Variants in COP1 observed in about 807,000 individuals in gnomAD.
COP1 encodes E3 ubiquitin-protein ligase COP1.
COP1 carries 24 observed loss-of-function variants against 101.3 expected under a neutral mutation model. The ratio of observed to expected loss-of-function variants is 0.24; its 90% CI spans 0.17 to 0.33. The LOEUF is 0.33. Ranked by LOEUF, COP1 falls within the 10% of genes least tolerant of loss-of-function variation. The pLI is 1.00. For missense variants in COP1, 663 were observed against 906.2 expected (o/e 0.73, Z 3.45); for synonymous variants, 347 against 341.9 (o/e 1.01, Z -0.17).
intron 8 of COP1, among the ~76,000 whole-genome samples, chr1:176,127,939 T>A (rs1374536401): frequency 6.6e-6 from 1 of 152,074 alleles, no homozygotes; most frequent in Non-Finnish European, 1.5e-5. Context: ...ATCTAAGAAA[T>A]GTGAGGTGAT....
intron 18 of COP1, among the ~76,000 whole-genome samples, chr1:175,957,647 C>T (rs998138688): frequency 6.6e-6 from 1 of 152,198 alleles, no homozygotes; most frequent in Non-Finnish European, 1.5e-5. Context: ...GCTAAACTTA[C>T]AACTACTCTA....
intron 11 of COP1, among the ~76,000 whole-genome samples, chr1:176,057,070 G>A (rs1673643084): frequency 6.6e-6 from 1 of 152,120 alleles, no homozygotes; most frequent in African/African-American, 2.4e-5. Context: ...GCATAGAAAT[G>A]AAATCCATTT....
chr1:176,133,088 T>C (rs1432637110), intron 8 of COP1, among the ~76,000 whole-genome samples: 1 of 144,790 alleles, frequency 6.9e-6, no homozygotes, highest in Non-Finnish European at 1.5e-5. Flanking sequence ...ATACTATATA[T>C]ACACACATAT....
rs147697901 is a variant in COP1 at position 176,009,375 on chromosome 1, A to G, written c.1729+18197T>C. 1.5e-3 allele frequency among the ~76,000 whole-genome samples: 235 copies of G among 152,370 alleles called. 3 individuals carry two copies. The highest frequency in any genetic ancestry group is 5.4e-3 in the African/African-American group (226 of 41,584). On this transcript the variant is annotated intron_variant, in intron 15 of 19. Transcript: ENST00000367669. ...TCTCAAGTTATTTCATAAGATGAGA[A>G]TAATTTGGTATTATAAAAATAACAT... is the stretch of plus-strand genomic sequence containing the variant.
In COP1 at chr1:176,027,677, AC is replaced by A; in HGVS notation, c.1623del (p.Trp541CysfsTer5). On this transcript the variant is annotated frameshift_variant, in exon 15 of 20. Coordinates refer to ENST00000367669, the MANE Select transcript of COP1 (RefSeq NM_022457.7). LOFTEE classifies it high-confidence loss of function. The part of the protein sequence containing the change: ...SGSDDAKVKL[W>X]STNLDNSVAS... ...GCCACTGAGTTGTCTAGATTGGTAG[AC>A]CACAGCTTCACTAAGGGCAAAGGAC... is the stretch of plus-strand genomic sequence containing the variant. 6.2e-7 allele frequency: 1 copy of A among 1,604,298 alleles called. No individual in the cohort carries two copies. Among genetic ancestry groups the A allele is most frequent in the Non-Finnish European group, 8.5e-7 (1 of 1,171,196 alleles).
At chr1:175,980,933 T>A (rs183145768) in intron 18 of COP1, among the ~76,000 whole-genome samples, 126 of 152,248 alleles carry the variant, frequency 8.3e-4, no homozygotes, top group Non-Finnish European at 1.2e-3. Context: ...TACACAGGCA[T>A]CATCACATAG....
intron 14 of COP1, among the ~76,000 whole-genome samples, chr1:176,038,408 T>C (rs1244661969): frequency 6.6e-6 from 1 of 152,130 alleles, no homozygotes; most frequent in African/African-American, 2.4e-5. Flanking sequence ...AAAATGTATA[T>C]GAAAAGGCAA....
chr1:175,970,365 G>A (rs775774907), intron 18 of COP1, among the ~76,000 whole-genome samples: 16 of 152,122 alleles, frequency 1.1e-4, no homozygotes, highest in South Asian at 2.1e-4. Context: ...TTTAGAAGCC[G>A]GAATGGGAAT....
At chr1:176,043,090 G>T in intron 14 of COP1, 96 bp downstream of exon 14, 3 of 755,416 alleles carry the variant, frequency 4.0e-6, no homozygotes, top group Non-Finnish European at 2.3e-6. Flanking sequence ...GGACTGACAT[G>T]AGTTTGAGTA....
At chr1:175,960,504 CA>C (rs1334874652) in intron 18 of COP1, among the ~76,000 whole-genome samples, 5 of 152,016 alleles carry the variant, frequency 3.3e-5, no homozygotes, top group Non-Finnish European at 7.4e-5. Flanking sequence ...CCAAAATGAA[CA>C]AAGGGGCAGG....
intron 5 of COP1, among the ~76,000 whole-genome samples, chr1:176,158,630 CT>C (rs35518162): frequency 0.25 from 19,609 of 79,162 alleles, 208 homozygotes; most frequent in Admixed American, 0.28. Flanking sequence ...TTTTAAGGTT[CT>C]TTTTTTTTTT....
chr1:176,156,844 TATAATA>T (rs1693524757), intron 5 of COP1, among the ~76,000 whole-genome samples: 1 of 152,104 alleles, frequency 6.6e-6, no homozygotes, highest in South Asian at 2.1e-4. Context: ...AGTAGACAAT[TATAATA>T]ATAACAGTAA....
intron 9 of COP1, chr1:176,100,227 TA>T: frequency 4.3e-6 from 1 of 231,254 alleles, no homozygotes; most frequent in Non-Finnish European, 9.1e-6. Context: ...CCGTCTTTAC[TA>T]AAAATACAAA....
In COP1 at chr1:175,992,422, G is replaced by A. The variant is rs371961550; in HGVS notation, c.1730-2943C>T. ...GGAGAGTGGGTGCAGCGCACCGTGCGCGAGCCAAAGCAGGGTGAGGCATTG... is the reference window on the plus strand; with the variant it reads ...GGAGAGTGGGTGCAGCGCACCGTGCACGAGCCAAAGCAGGGTGAGGCATTG... On this transcript the variant is annotated intron_variant, in intron 15 of 19. Transcript: ENST00000367669. Among the ~76,000 whole-genome samples the A allele has an allele frequency of 2.3e-4, 35 of 152,328 alleles. No homozygotes were observed. The South Asian group carries it at 6.0e-3, about 26-fold the overall frequency.
intron 8 of COP1, among the ~76,000 whole-genome samples, chr1:176,126,878 T>C (rs186335457): frequency 6.6e-6 from 1 of 152,324 alleles, no homozygotes; most frequent in African/African-American, 2.4e-5. Context: ...GCCTACTAAT[T>C]AATCATAATT....
At chr1:176,162,559 T>C (rs2149943511) in intron 5 of COP1, among the ~76,000 whole-genome samples, 1 of 152,316 alleles carries the variant, frequency 6.6e-6, no homozygotes, top group East Asian at 1.9e-4. Context: ...GTAAGAAAGA[T>C]ACTCATTAGA....
chr1:176,161,084 G>C (rs1694242547), intron 5 of COP1, among the ~76,000 whole-genome samples: 1 of 152,126 alleles, frequency 6.6e-6, no homozygotes. Flanking sequence ...TCAGTTCTTA[G>C]CTTTCTCCCT....
intron 14 of COP1, among the ~76,000 whole-genome samples, chr1:176,039,765 T>A (rs562484596): frequency 2.6e-5 from 4 of 152,248 alleles, no homozygotes; most frequent in African/African-American, 9.6e-5. Flanking sequence ...CTCTTGCATA[T>A]ATGGTCAAAT....
intron 2 of COP1, 37 bp from the exon 3 acceptor site, chr1:176,176,044 T>C (rs757961777): frequency 2.0e-6 from 2 of 992,324 alleles, no homozygotes; most frequent in Non-Finnish European, 3.2e-6. Flanking sequence ...CTTAATTAAA[T>C]CAATGAAAAA....
Sources: allele counts gnomAD v4.1 joint callset (sites outside exome capture counted in the v4.1 genomes callset), GRCh38; gene constraint gnomAD v4.1.1; transcripts MANE v1.5; gene names NCBI Gene and HGNC (gene_info 2026-07-23, HGNC 2026-07-21).